RBMS3: variants seen among roughly 807,000 people sequenced by gnomAD.
RBMS3 encodes the protein RNA-binding motif, single-stranded-interacting protein 3.
A neutral mutation model predicts 66.8 loss-of-function variants in RBMS3; 27 were observed. That is an observed-to-expected ratio of 0.40 (90% CI 0.30 to 0.56). RBMS3 has a LOEUF of 0.56. Among genes scored for constraint, RBMS3 ranks in the 20% least tolerant of loss-of-function variants. The probability of loss-of-function intolerance (pLI) is 0.40; values close to 1 mark genes in which losing one functional copy is unlikely to be tolerated. For missense variants in RBMS3, 513 were observed against 549.5 expected, an observed-to-expected ratio of 0.93 and a Z score of 0.66; for synonymous variants, 188 against 183.0, an observed-to-expected ratio of 1.03 and a Z score of -0.22.
At chr3:29,749,605 C>T (rs1328824234) in intron 5 of RBMS3, among the ~76,000 whole-genome samples, 8 of 152,122 alleles carry the variant, frequency 5.3e-5, no homozygotes, top group Admixed American at 5.2e-4. Flanking sequence ...TGGGTAAAGT[C>T]CTCTCTTCTT....
chr3:29,313,116 C>T (rs1401655895), intron 1 of RBMS3, among the ~76,000 whole-genome samples: 1 of 151,750 alleles, frequency 6.6e-6, no homozygotes, highest in Admixed American at 6.6e-5. Context: ...GGAATGTTCA[C>T]ATTTCTTATC....
chr3:29,835,637 G>T (rs114346975), intron 6 of RBMS3, among the ~76,000 whole-genome samples: 2,060 of 151,722 alleles, frequency 0.014, 53 homozygotes, highest in African/African-American at 0.046. Context: ...CATTTCTAAG[G>T]GAAAAGTTTA....
At chr3:29,339,385 G>A (rs2036148932) in intron 1 of RBMS3, among the ~76,000 whole-genome samples, 1 of 152,156 alleles carries the variant, frequency 6.6e-6, no homozygotes, top group South Asian at 2.1e-4. Context: ...CTGAGCACCA[G>A]GAAGTGGCTG....
chr3:29,654,771 T>C (rs1232282475), intron 4 of RBMS3, among the ~76,000 whole-genome samples: 2 of 151,332 alleles, frequency 1.3e-5, no homozygotes, highest in Non-Finnish European at 3.0e-5. Context: ...TGCGTTTTTT[T>C]TTTTTTTGTA....
chr3:29,835,429 C>T (rs1039625172), intron 6 of RBMS3, among the ~76,000 whole-genome samples: 2 of 151,894 alleles, frequency 1.3e-5, no homozygotes, highest in African/African-American at 4.8e-5. Flanking sequence ...TCATATTAAG[C>T]ATATTTCTGA....
chr3:29,583,136 C>T (rs748725120), intron 3 of RBMS3, among the ~76,000 whole-genome samples: 4 of 152,106 alleles, frequency 2.6e-5, no homozygotes, highest in Admixed American at 6.6e-5. Context: ...CAAAGTTTAG[C>T]CAGAACATCC....
At chr3:29,716,689 T>C (rs1041762337) in intron 4 of RBMS3, among the ~76,000 whole-genome samples, 3 of 152,142 alleles carry the variant, frequency 2.0e-5, no homozygotes, top group Non-Finnish European at 4.4e-5. Flanking sequence ...GATACTTAGT[T>C]GTTTCCGGTT....
intron 1 of RBMS3, among the ~76,000 whole-genome samples, chr3:29,343,818 T>G (rs556004476): frequency 5.9e-5 from 9 of 152,338 alleles, no homozygotes; most frequent in African/African-American, 2.2e-4. Context: ...GAGACAGAAT[T>G]TGAACTAAGA....
chr3:29,766,183 C>G (rs2055920534), intron 6 of RBMS3: 1 of 151,886 alleles, frequency 6.6e-6, no homozygotes, highest in African/African-American at 2.4e-5. Context: ...GAAAATGTGC[C>G]TGTGTTATTG....
At chr3:29,641,603 A>G (rs1323207124) in intron 4 of RBMS3, among the ~76,000 whole-genome samples, 1 of 152,132 alleles carries the variant, frequency 6.6e-6, no homozygotes, top group Non-Finnish European at 1.5e-5. Context: ...AGAAATGGCA[A>G]TGACTTTTAA....
intron 3 of RBMS3, among the ~76,000 whole-genome samples, chr3:29,553,710 T>G (rs926524343): frequency 6.6e-6 from 1 of 151,964 alleles, no homozygotes; most frequent in African/African-American, 2.4e-5. Context: ...TTGCATTCAT[T>G]ATGAATGTCT....
At chr3:29,791,665 T>C (rs185981549) in intron 6 of RBMS3, among the ~76,000 whole-genome samples, 13 of 152,314 alleles carry the variant, frequency 8.5e-5, no homozygotes, top group Non-Finnish European at 1.8e-4. Context: ...AAAACTCTCC[T>C]CTATCCCTAA....
At chr3:29,601,626 A>G (rs1444429928) in intron 4 of RBMS3, among the ~76,000 whole-genome samples, 1 of 152,062 alleles carries the variant, frequency 6.6e-6, no homozygotes, top group East Asian at 1.9e-4. Context: ...GTATTAAAAA[A>G]CAGACTACCC....
chr3:29,973,410 CT>C (rs1329053035), intron 12 of RBMS3, among the ~76,000 whole-genome samples: 1 of 151,820 alleles, frequency 6.6e-6, no homozygotes, highest in Admixed American at 6.6e-5. Flanking sequence ...AATTAAATAG[CT>C]TTATATATGT....
chr3:29,594,748 T>G (rs538367565), intron 4 of RBMS3, among the ~76,000 whole-genome samples: 208 of 152,316 alleles, frequency 1.4e-3, no homozygotes, highest in Non-Finnish European at 2.5e-3. Flanking sequence ...AAATGCTGAA[T>G]GCAGGGATTC....
intron 3 of RBMS3, among the ~76,000 whole-genome samples, chr3:29,549,333 G>A (rs1024191136): frequency 1.3e-5 from 2 of 151,508 alleles, no homozygotes; most frequent in Admixed American, 1.3e-4. Context: ...ACTGCTTTTG[G>A]TCCTCTAGTC....
chr3:29,600,175 A>C (rs2048094946), intron 4 of RBMS3, among the ~76,000 whole-genome samples: 2 of 152,092 alleles, frequency 1.3e-5, no homozygotes, highest in African/African-American at 4.8e-5. Flanking sequence ...TTCCTTCTAG[A>C]AACCCACCTT....
chr3:29,335,085 A>G lies in RBMS3; in HGVS notation c.75+53329A>G, dbSNP rs114404586. ...CTTTTTTGCTGTTAACATACTGGAAAATGAAGCCTGCTTCTCAGTTATGTT... is the reference window on the plus strand; with the variant it reads ...CTTTTTTGCTGTTAACATACTGGAAGATGAAGCCTGCTTCTCAGTTATGTT... On this transcript the variant is annotated intron_variant, in intron 1 of 14. Coordinates refer to ENST00000383767, the MANE Select transcript of RBMS3 (RefSeq NM_001003793.3). Among the ~76,000 whole-genome samples the G allele has an allele frequency of 5.2e-3, 782 of 151,518 alleles. 8 individuals are homozygous for G. The highest frequency in any genetic ancestry group is 0.018 in the African/African-American group (743 of 41,336).
intron 1 of RBMS3, among the ~76,000 whole-genome samples, chr3:29,401,936 G>T (rs1290996622): frequency 1.3e-5 from 2 of 152,002 alleles, no homozygotes; most frequent in African/African-American, 4.8e-5. Flanking sequence ...AGACAGCTTT[G>T]AACAAGTTGC....
Sources: allele counts gnomAD v4.1 joint callset (sites outside exome capture counted in the v4.1 genomes callset), GRCh38; gene constraint gnomAD v4.1.1; transcripts MANE v1.5; gene names NCBI Gene and HGNC (gene_info 2026-07-23, HGNC 2026-07-21).